Variants in EEF1D observed in about 807,000 individuals in gnomAD.
EEF1D encodes eukaryotic translation elongation factor 1 delta, also known as elongation factor 1-delta.
A neutral mutation model predicts 63.9 loss-of-function variants in EEF1D; 47 were observed. The ratio of observed to expected loss-of-function variants is 0.74; its 90% CI spans 0.58 to 0.94. The LOEUF is 0.94. Among genes scored for constraint, EEF1D ranks in the 40% least tolerant of loss-of-function variants. The pLI is 0.00. For missense variants in EEF1D, 907 were observed against 899.0 expected (o/e 1.01, Z -0.11); for synonymous variants, 412 against 386.1 (o/e 1.07, Z -0.79).
Position 143,586,131 on chromosome 8 carries a change from A to T in EEF1D, c.1287+88T>A, listed in dbSNP as rs1303213230. On this transcript the variant is annotated intron_variant, in intron 5 of 9. Coordinates refer to ENST00000618139, the MANE Select transcript of EEF1D (RefSeq NM_001130053.5). ...GCACCCTGCCCTGACTCTGCTGTGAAGCCAAAACAACCAGCAGCATCAGGA... is the reference window on the plus strand; with the variant it reads ...GCACCCTGCCCTGACTCTGCTGTGATGCCAAAACAACCAGCAGCATCAGGA... 6 of 1,304,312 alleles carry T rather than the reference A, an allele frequency of 4.6e-6. No homozygotes were observed. In the African/African-American group the frequency reaches 8.8e-5, roughly 19 times the overall value. 80.8% of individuals were successfully genotyped at this position (1,304,312 alleles called of 1,614,324 possible).
rs1825250055 is a variant in EEF1D at position 143,580,549 on chromosome 8, G to A, written c.1667C>T (p.Pro556Leu). 3.1e-6 allele frequency: 5 copies of A among 1,613,122 alleles called. No individual in the cohort carries two copies. The highest frequency in any genetic ancestry group is 4.2e-6 in the Non-Finnish European group (5 of 1,179,866). Reference sequence around the variant, plus strand: ...GATGGAGGACTTGGCCACCAGTGCAGGCTTCTTGGCCTTCTTCTCCGCGTA... The same window carrying A: ...GATGGAGGACTTGGCCACCAGTGCAAGCTTCTTGGCCTTCTTCTCCGCGTA... ...RQYAEKKAKK[P>L]ALVAKSSILL... Residue 556 changes from proline (P) to leucine (L), a missense_variant, in exon 8 of 10, where the codon CCT becomes CTT. Physicochemically the swap from Pro to Leu is moderately conservative, Grantham distance 98. Coordinates refer to ENST00000618139, the MANE Select transcript of EEF1D (RefSeq NM_001130053.5).
At chr8:143,586,928 G>A in intron 3 of EEF1D, 76 bp from the exon 4 acceptor site, 1 of 1,579,154 alleles carries the variant, frequency 6.3e-7, no homozygotes. Context: ...AAGCACCAAG[G>A]TGCAGTGGGG....
chr8:143,583,352 C>T (rs1170983494), intron 5 of EEF1D: 3 of 152,266 alleles, frequency 2.0e-5, no homozygotes, highest in African/African-American at 7.2e-5. Context: ...TCCCTAAGCC[C>T]TAACAGTGCG....
chr8:143,589,372 G>T lies in EEF1D; in HGVS notation c.710C>A (p.Pro237His). Residue 237 changes from proline (P) to histidine (H), a missense_variant, in exon 3 of 10, where the codon CCC becomes CAC. Pro to His is a moderately conservative substitution (Grantham distance 77). Coordinates refer to ENST00000618139, the MANE Select transcript of EEF1D (RefSeq NM_001130053.5). Reference sequence around the variant, plus strand: ...GCCCCTCTCGGCTGCATCATACCGGGGCTTCTCCAGCCACACCTCCCGAAC... The same window carrying T: ...GCCCCTCTCGGCTGCATCATACCGGTGCTTCTCCAGCCACACCTCCCGAAC... ...ALVREVWLEKPRYDAAERGFY... is the reference protein window; with the variant it reads ...ALVREVWLEKHRYDAAERGFY... 6.4e-7 allele frequency: 1 copy of T among 1,553,244 alleles called. No homozygotes were observed. Among genetic ancestry groups the T allele is most frequent in the Non-Finnish European group, 8.7e-7 (1 of 1,145,604 alleles).
chr8:143,587,354 G>A (rs190079711), intron 3 of EEF1D: 2 of 152,428 alleles, frequency 1.3e-5, no homozygotes, highest in Admixed American at 1.3e-4. Context: ...GTGTGAGATG[G>A]AGTCTCACTC....
rs1312895055 is a variant in EEF1D, at chr8:143,585,638, C to T, written c.1287+581G>A. 3.9e-5 allele frequency among the ~76,000 whole-genome samples: 6 copies of T among 152,218 alleles called. No homozygotes were observed. In the East Asian group the frequency reaches 9.6e-4, roughly 24 times the overall value. ...TCCTCGGGAACACCAGGGCTGCCAC[C>T]TCCCGGAGGACACCCCTTCCCCAGC... On this transcript the variant is annotated intron_variant, in intron 5 of 9. Transcript: ENST00000618139.
chr8:143,595,062 C>T (rs920801464), intron 1 of EEF1D, among the ~76,000 whole-genome samples: 4 of 152,058 alleles, frequency 2.6e-5, no homozygotes, highest in South Asian at 2.1e-4. Flanking sequence ...TGCGCAACCA[C>T]GGCCAGCTAA....
chr8:143,593,846 G>A (rs1179779317), intron 1 of EEF1D: 14 of 985,260 alleles, frequency 1.4e-5, no homozygotes, highest in African/African-American at 1.0e-4. Flanking sequence ...TCATTTCCCC[G>A]CTTCCCGCAT....
At chr8:143,584,684 A>G (rs1826218845) in intron 5 of EEF1D, among the ~76,000 whole-genome samples, 1 of 145,196 alleles carries the variant, frequency 6.9e-6, no homozygotes, top group South Asian at 2.3e-4. Context: ...CAGGGCAGAG[A>G]AAACACGTCA....
intron 2 of EEF1D, chr8:143,590,362 T>C (rs1389323622): frequency 1.4e-5 from 9 of 632,160 alleles, no homozygotes; most frequent in Non-Finnish European, 2.4e-5. Flanking sequence ...TCCCAATACA[T>C]GAACAATATA....
chr8:143,582,606 T>A (rs1825772830), intron 5 of EEF1D: 1 of 152,164 alleles, frequency 6.6e-6, no homozygotes, highest in Non-Finnish European at 1.5e-5. Context: ...AGGCACTAAG[T>A]CAGCACTGGC....
rs201818944 is a variant in EEF1D, at chr8:143,581,158, G to A, written c.1388-4C>T. 12 of 1,612,844 alleles carry A rather than the reference G, an allele frequency of 7.4e-6. No individual in the cohort carries two copies. The highest frequency in any genetic ancestry group is 6.7e-5 in the African/African-American group (5 of 74,952). Reference sequence around the variant, plus strand: ...GCCTGCTGCAGCTCCTGTACCACTGGGGGGGCAAGGGGAGCACGGTTAGAT... The same window carrying A: ...GCCTGCTGCAGCTCCTGTACCACTGAGGGGGCAAGGGGAGCACGGTTAGAT... On this transcript the variant is annotated splice_region_variant and splice_polypyrimidine_tract_variant and intron_variant, in intron 6 of 9. Transcript: ENST00000618139.
intron 2 of EEF1D, chr8:143,592,052 C>A: frequency 2.0e-6 from 2 of 985,448 alleles, no homozygotes; most frequent in Non-Finnish European, 2.4e-6. Context: ...CCTAGGCTCC[C>A]CTGCTCATTC....
At position 143,581,156 on chromosome 8, in the gene EEF1D, TG is replaced by T; in HGVS notation, c.1388-3del. 4 of 1,612,804 alleles carry T rather than the reference TG, an allele frequency of 2.5e-6. No homozygotes were observed. Among genetic ancestry groups the T allele is most frequent in the Non-Finnish European group, 3.4e-6 (4 of 1,179,904 alleles). On this transcript the variant is annotated splice_polypyrimidine_tract_variant and splice_region_variant and intron_variant, in intron 6 of 9. Transcript: ENST00000618139. ...TGGCCTGCTGCAGCTCCTGTACCAC[TG>T]GGGGGGCAAGGGGAGCACGGTTAGA...
intron 3 of EEF1D, among the ~76,000 whole-genome samples, chr8:143,588,352 C>T (rs1563975819): frequency 3.3e-5 from 5 of 152,340 alleles, no homozygotes; most frequent in Middle Eastern, 3.4e-3. Context: ...ATCGTCCACC[C>T]ACCTGCCTGG....
Position 143,586,717 on chromosome 8 carries a change from TGCA to T in EEF1D, c.1215+9_1215+11del, listed in dbSNP as rs1826714563. The T allele has an allele frequency of 1.2e-6, 2 of 1,611,982 alleles. No individual in the cohort carries two copies. The highest frequency in any genetic ancestry group is 4.5e-5 in the East Asian group (2 of 44,882). On this transcript the variant is annotated intron_variant, in intron 4 of 9. Transcript: ENST00000618139. ...AGCAGAGCCGCCCAGCCGCCCCACG[TGCA>T]GCTCTCACCTGGCGGGAGGCACCTG...
chr8:143,580,610 CCTT>C lies in EEF1D; in HGVS notation c.1603_1605del (p.Lys535del). 6.2e-7 allele frequency: 1 copy of C among 1,613,838 alleles called. No individual in the cohort carries two copies. The highest frequency in any genetic ancestry group is 8.5e-7 in the Non-Finnish European group (1 of 1,179,920). ...CGCTCCTCCCGCAGCTGTGCCGCCT[CCTT>C]GTCCTCCTCCTCATTGTCACTGCCA... On this transcript the variant is annotated inframe_deletion, in exon 8 of 10. Transcript: ENST00000618139.
In EEF1D at chr8:143,592,176, G is replaced by T. The variant is rs948252457; in HGVS notation, c.-1+471C>A. The T allele has an allele frequency of 3.0e-6, 3 of 985,326 alleles. No homozygotes were observed. In the African/African-American group the frequency reaches 5.2e-5, roughly 17 times the overall value. 61.0% of individuals were successfully genotyped at this position (985,326 alleles called of 1,614,324 possible). On this transcript the variant is annotated intron_variant, in intron 2 of 9. Transcript: ENST00000618139. Reference sequence around the variant, plus strand: ...CCAGGAGACAGGGCATTGTGACATCGTGCGGTGGTACCCCCACCAGTCTCT... The same window carrying T: ...CCAGGAGACAGGGCATTGTGACATCTTGCGGTGGTACCCCCACCAGTCTCT...
intron 5 of EEF1D, chr8:143,582,470 A>G (rs942065826): frequency 5.3e-5 from 8 of 152,304 alleles, no homozygotes; most frequent in African/African-American, 1.9e-4. Context: ...GGCATGGAGA[A>G]TCACAGCAGA....
Sources: gnomAD v4.1 joint callset for allele counts (sites outside exome capture counted in the v4.1 genomes callset) on GRCh38, gnomAD v4.1.1 for gene constraint, MANE v1.5 for transcripts, NCBI Gene and HGNC (gene_info 2026-07-23, HGNC 2026-07-21) for gene names.